Variants in LNX2 observed in about 807,000 individuals in gnomAD.
LNX2 encodes ligand of Numb protein X 2.
A neutral mutation model predicts 66.2 loss-of-function variants in LNX2; 35 were observed. That is an observed-to-expected ratio of 0.53 (90% CI 0.40 to 0.70). The LOEUF (loss-of-function observed/expected upper bound fraction) is 0.70. Ranked by LOEUF, LNX2 falls within the 30% of genes least tolerant of loss-of-function variation. The pLI is 0.00. For missense variants in LNX2, 791 were observed against 850.8 expected (o/e 0.93, Z 0.87); for synonymous variants, 337 against 315.6 (o/e 1.07, Z -0.72).
chr13:27,618,777 A>C (rs932402227), intron 1 of LNX2, among the ~76,000 whole-genome samples: 2 of 152,246 alleles, frequency 1.3e-5, no homozygotes, highest in Non-Finnish European at 2.9e-5. Flanking sequence ...GCCCATATGC[A>C]AAGCTCGTAA....
At chr13:27,606,811 G>A (rs185101423) in intron 1 of LNX2, among the ~76,000 whole-genome samples, 38 of 152,174 alleles carry the variant, frequency 2.5e-4, no homozygotes, top group Non-Finnish European at 3.2e-4. Context: ...CAGGAGCAAG[G>A]GAGCATGCAC....
chr13:27,620,778 C>G (rs1473398207), upstream of LNX2: 2 of 153,372 alleles, frequency 1.3e-5, no homozygotes, highest in African/African-American at 2.4e-5. Flanking sequence ...CCACTCGCCC[C>G]GGGCTGTCCC....
chr13:27,565,902 A>T (rs1955200001), intron 4 of LNX2, among the ~76,000 whole-genome samples: 1 of 152,226 alleles, frequency 6.6e-6, no homozygotes, highest in Non-Finnish European at 1.5e-5. Context: ...CATAGCCCCA[A>T]GTCTAGAGAT....
intron 1 of LNX2, among the ~76,000 whole-genome samples, chr13:27,610,512 T>G (rs1955760863): frequency 1.3e-5 from 2 of 152,148 alleles, no homozygotes; most frequent in Non-Finnish European, 2.9e-5. Context: ...CAAAATGGAC[T>G]AAAAACCTAA....
intron 1 of LNX2, among the ~76,000 whole-genome samples, chr13:27,618,306 A>C (rs569230888): frequency 6.6e-6 from 1 of 152,352 alleles, no homozygotes; most frequent in South Asian, 2.1e-4. Flanking sequence ...TATTCTAAGT[A>C]ATAGACATGT....
At position 27,569,017 on chromosome 13, in the gene LNX2, C is replaced by T. The variant is rs1955241503; in HGVS notation, c.655+12G>A. ...TAGAGATGAAATACACAAGGAGTTGCACCACACATACTGTCAGCTCCAGCG... is the reference window on the plus strand; with the variant it reads ...TAGAGATGAAATACACAAGGAGTTGTACCACACATACTGTCAGCTCCAGCG... On this transcript the variant is annotated intron_variant, in intron 3 of 9. Coordinates refer to ENST00000316334, the MANE Select transcript of LNX2 (RefSeq NM_153371.4). 1 of 1,606,930 alleles carries T rather than the reference C, an allele frequency of 6.2e-7. No homozygotes were observed. Among genetic ancestry groups the T allele is most frequent in the South Asian group, 1.1e-5 (1 of 90,000 alleles).
At chr13:27,602,252 A>T (rs1208095373) in intron 1 of LNX2, among the ~76,000 whole-genome samples, 1 of 152,154 alleles carries the variant, frequency 6.6e-6, no homozygotes, top group East Asian at 1.9e-4. Context: ...AAAATGTGCA[A>T]ATCTTAAGTC....
intron 1 of LNX2, among the ~76,000 whole-genome samples, chr13:27,618,876 A>C (rs1955856392): frequency 1.3e-5 from 2 of 152,150 alleles, no homozygotes; most frequent in South Asian, 2.1e-4. Context: ...CAATCTGAAG[A>C]CTAAGTGCCT....
chr13:27,567,057 G>A (rs1048476922), intron 4 of LNX2, among the ~76,000 whole-genome samples: 1 of 152,126 alleles, frequency 6.6e-6, no homozygotes, highest in African/African-American at 2.4e-5. Context: ...AAAACAGTAA[G>A]GGGAGCGAAG....
At chr13:27,615,958 C>T (rs1036717214) in intron 1 of LNX2, among the ~76,000 whole-genome samples, 3 of 152,124 alleles carry the variant, frequency 2.0e-5, no homozygotes, top group African/African-American at 7.2e-5. Context: ...AAGAGTCAAA[C>T]TCTGCAACAT....
chr13:27,563,325 T>C (rs890245765), intron 4 of LNX2, among the ~76,000 whole-genome samples: 5 of 152,236 alleles, frequency 3.3e-5, no homozygotes, highest in African/African-American at 1.2e-4. Flanking sequence ...ACAAACTTAT[T>C]TTAGATAAGT....
chr13:27,558,552 A>G (rs992613532), intron 6 of LNX2, among the ~76,000 whole-genome samples: 1 of 152,116 alleles, frequency 6.6e-6, no homozygotes, highest in African/African-American at 2.4e-5. Flanking sequence ...ATAAAATTCA[A>G]TAACATAAAA....
At chr13:27,601,299 T>G (rs1955655273) in intron 1 of LNX2, among the ~76,000 whole-genome samples, 1 of 152,112 alleles carries the variant, frequency 6.6e-6, no homozygotes, top group Non-Finnish European at 1.5e-5. Flanking sequence ...GTACCTGAAA[T>G]TAAGATATTT....
intron 1 of LNX2, among the ~76,000 whole-genome samples, chr13:27,604,110 C>G (rs1045672649): frequency 6.6e-6 from 1 of 152,098 alleles, no homozygotes; most frequent in Non-Finnish European, 1.5e-5. Context: ...AAAAACTAAC[C>G]GGGCGTGGTG....
At chr13:27,616,334 T>G (rs377076875) in intron 1 of LNX2, among the ~76,000 whole-genome samples, 12 of 152,292 alleles carry the variant, frequency 7.9e-5, no homozygotes, top group African/African-American at 2.9e-4. Flanking sequence ...CCCAAGTTCT[T>G]ACTTTCAGAG....
chr13:27,555,194 C>G (rs1955043270), intron 7 of LNX2, among the ~76,000 whole-genome samples: 1 of 152,232 alleles, frequency 6.6e-6, no homozygotes, highest in African/African-American at 2.4e-5. Flanking sequence ...AGCGATCCAC[C>G]TGCCTTGGCC....
In LNX2 at chr13:27,569,115, C is replaced by T. The variant is rs1211174021; in HGVS notation, c.569G>A (p.Arg190Gln). ...GGAAAGAGACGCTGATGTCAAGTGC[C>T]GCTCCACAGGCACTGCGCCTGTCCC... ...CLGTGAVPVE[R>Q]HLTSASLSTW... The change falls in exon 3 of 10, where the codon CGG (arginine) becomes CAG (glutamine). Residue 190 changes from arginine (R) to glutamine (Q), a missense_variant. Arg to Gln is a conservative substitution (Grantham distance 43, BLOSUM62 1). Transcript: ENST00000316334. 1.6e-5 allele frequency: 26 copies of T among 1,612,988 alleles called. No individual in the cohort carries two copies. The highest frequency in any genetic ancestry group is 2.2e-5 in the South Asian group (2 of 90,930).
At chr13:27,619,575 T>C (rs1714214971) in intron 1 of LNX2, among the ~76,000 whole-genome samples, 1 of 152,236 alleles carries the variant, frequency 6.6e-6, no homozygotes. Context: ...ACTTTGTTTC[T>C]GATTTCTGTG....
chr13:27,560,729 A>G (rs1366413529), intron 5 of LNX2, among the ~76,000 whole-genome samples: 1 of 151,926 alleles, frequency 6.6e-6, no homozygotes, highest in Non-Finnish European at 1.5e-5. Context: ...GTTATTTAAT[A>G]CTTCCTTTTA....
Sources: gnomAD v4.1 joint callset for allele counts (sites outside exome capture counted in the v4.1 genomes callset) on GRCh38, gnomAD v4.1.1 for gene constraint, MANE v1.5 for transcripts, NCBI Gene and HGNC (gene_info 2026-07-23, HGNC 2026-07-21) for gene names.